MOB3B: variants seen among roughly 807,000 people sequenced by gnomAD.
MOB3B encodes MOB kinase activator 3B, also known as MOB kinase activator-like 2B.
Under a neutral mutation model 18.7 loss-of-function variants are expected in MOB3B, and 7 were observed. The observed-to-expected ratio is 0.37, with a 90% CI of 0.21 to 0.70. MOB3B has a LOEUF of 0.70. Ranked by LOEUF, MOB3B falls within the 30% of genes least tolerant of loss-of-function variation. The pLI is 0.52. For synonymous variants in MOB3B, 111 were observed against 99.9 expected, an observed-to-expected ratio of 1.11 and a Z score of -0.66; for missense variants, 253 against 281.3, an observed-to-expected ratio of 0.90 and a Z score of 0.72.
At chr9:27,366,680 C>A (rs1003359386) in intron 2 of MOB3B, among the ~76,000 whole-genome samples, 4 of 152,158 alleles carry the variant, frequency 2.6e-5, no homozygotes, top group Non-Finnish European at 5.9e-5. Context: ...AAGAGAAAGG[C>A]CAACACCTGG....
At chr9:27,364,004 C>A (rs1821310211) in intron 2 of MOB3B, among the ~76,000 whole-genome samples, 1 of 152,220 alleles carries the variant, frequency 6.6e-6, no homozygotes, top group Non-Finnish European at 1.5e-5. Flanking sequence ...CTCAGCCTCT[C>A]AACATGCTGG....
intron 2 of MOB3B, among the ~76,000 whole-genome samples, chr9:27,364,509 C>A (rs1196620835): frequency 1.3e-5 from 2 of 152,202 alleles, no homozygotes; most frequent in Non-Finnish European, 1.5e-5. Flanking sequence ...CTATTTAAAT[C>A]TGGATTCCCC....
intron 2 of MOB3B, among the ~76,000 whole-genome samples, chr9:27,453,831 C>G (rs1822829935): frequency 6.6e-6 from 1 of 152,142 alleles, no homozygotes; most frequent in South Asian, 2.1e-4. Flanking sequence ...CAAAAGTAGC[C>G]TATGACAGTC....
At chr9:27,451,261 G>C (rs960017920) in intron 2 of MOB3B, among the ~76,000 whole-genome samples, 6 of 152,156 alleles carry the variant, frequency 3.9e-5, no homozygotes, top group Non-Finnish European at 7.4e-5. Flanking sequence ...TCTAAAAATG[G>C]TTAAAGAAAT....
chr9:27,462,757 A>C (rs1819313265), intron 1 of MOB3B, among the ~76,000 whole-genome samples: 1 of 152,234 alleles, frequency 6.6e-6, no homozygotes, highest in South Asian at 2.1e-4. Context: ...CCACTAAGTG[A>C]ACTTGAGTCT....
intron 2 of MOB3B, among the ~76,000 whole-genome samples, chr9:27,423,962 T>C (rs936244477): frequency 6.6e-6 from 1 of 152,192 alleles, no homozygotes; most frequent in African/African-American, 2.4e-5. Context: ...AAAAATTAAG[T>C]TACTTTCTCC....
At chr9:27,343,478 T>TAAAAAAAA (rs779124158) in intron 3 of MOB3B, among the ~76,000 whole-genome samples, 10 of 84,312 alleles carry the variant, frequency 1.2e-4, no homozygotes, top group African/African-American at 3.5e-4. Context: ...CAATAAATAC[T>TAAAAAAAA]AAAAAAAAAA....
At chr9:27,378,762 G>A (rs553455639) in intron 2 of MOB3B, 14 of 447,834 alleles carry the variant, frequency 3.1e-5, no homozygotes, top group African/African-American at 2.4e-4. Flanking sequence ...AGGAAATGAA[G>A]GTCTTATCAC....
At chr9:27,376,249 C>T (rs531799389) in intron 2 of MOB3B, among the ~76,000 whole-genome samples, 1 of 152,316 alleles carries the variant, frequency 6.6e-6, no homozygotes, top group East Asian at 1.9e-4. Flanking sequence ...TTGTACATAT[C>T]TTTGACAGTT....
chr9:27,437,275 C>T (rs551282439), intron 2 of MOB3B, among the ~76,000 whole-genome samples: 6 of 152,064 alleles, frequency 3.9e-5, no homozygotes, highest in African/African-American at 1.4e-4. Flanking sequence ...ACAGTTGTGC[C>T]CTTCTTGGCA....
intron 3 of MOB3B, among the ~76,000 whole-genome samples, chr9:27,332,146 C>A (rs1820798465): frequency 6.6e-6 from 1 of 152,158 alleles, no homozygotes; most frequent in Admixed American, 6.5e-5. Flanking sequence ...GCACACAACA[C>A]CACACCTGGC....
intron 2 of MOB3B, chr9:27,421,024 G>A (rs1279513642): frequency 6.6e-6 from 1 of 152,144 alleles, no homozygotes; most frequent in Non-Finnish European, 1.5e-5. Flanking sequence ...GTATTGGGAG[G>A]CCTTTACCAT....
intron 2 of MOB3B, among the ~76,000 whole-genome samples, chr9:27,366,582 C>T (rs569669604): frequency 3.3e-5 from 5 of 152,282 alleles, no homozygotes; most frequent in East Asian, 1.9e-4. Flanking sequence ...CTTCGGTTGA[C>T]GAAGGTCCAG....
At chr9:27,418,885 C>T (rs535832991) in intron 2 of MOB3B, among the ~76,000 whole-genome samples, 136 of 152,054 alleles carry the variant, frequency 8.9e-4, no homozygotes, top group African/African-American at 3.2e-3. Context: ...ACAATGTGAT[C>T]GTTTACCTTG....
chr9:27,378,853 A>C, intron 2 of MOB3B: 1 of 376,208 alleles, frequency 2.7e-6, no homozygotes, highest in South Asian at 2.1e-5. Context: ...AGGGAAAAGA[A>C]AATTGCAAAC....
intron 2 of MOB3B, among the ~76,000 whole-genome samples, chr9:27,425,993 A>C (rs763888063): frequency 6.6e-6 from 1 of 152,190 alleles, no homozygotes; most frequent in East Asian, 1.9e-4. Context: ...CAGAAGGAGG[A>C]GGGTGCTCTG....
At chr9:27,335,386 C>G (rs1820848977) in intron 3 of MOB3B, among the ~76,000 whole-genome samples, 1 of 152,210 alleles carries the variant, frequency 6.6e-6, no homozygotes. Flanking sequence ...AGTGGCAGAA[C>G]TGGACTGCTG....
intron 1 of MOB3B, among the ~76,000 whole-genome samples, chr9:27,505,259 G>A (rs1484451234): frequency 6.6e-6 from 1 of 152,170 alleles, no homozygotes; most frequent in Non-Finnish European, 1.5e-5. Flanking sequence ...AGGGCTGCCT[G>A]CAAACATCTG....
chr9:27,355,605 G>A (rs187663749), intron 3 of MOB3B, among the ~76,000 whole-genome samples: 214 of 149,538 alleles, frequency 1.4e-3, no homozygotes, highest in African/African-American at 4.9e-3. Context: ...TTTTGCCCAG[G>A]CCGGACTGCA....
Sources: gnomAD v4.1 joint callset for allele counts (sites outside exome capture counted in the v4.1 genomes callset) on GRCh38, gnomAD v4.1.1 for gene constraint, MANE v1.5 for transcripts, NCBI Gene and HGNC (gene_info 2026-07-23, HGNC 2026-07-21) for gene names.